The following EIF6 variants were observed in gnomAD, a reference collection of about 807,000 sequenced individuals.
EIF6 encodes the protein eukaryotic translation initiation factor 6, also known as B4 integrin interactor.
Under a neutral mutation model 25.5 loss-of-function variants are expected in EIF6, and 10 were observed. The ratio of observed to expected loss-of-function variants is 0.39; its 90% CI spans 0.24 to 0.66. The LOEUF (loss-of-function observed/expected upper bound fraction) is 0.66, where lower values mean the gene tolerates loss of function less well. Among genes scored for constraint, EIF6 ranks in the 30% least tolerant of loss-of-function variants. EIF6 has a pLI of 0.45. For synonymous variants in EIF6, 122 were observed against 122.6 expected (o/e 1.00, Z 0.03); for missense variants, 246 against 315.4 (o/e 0.78, Z 1.67).
At chr20:35,279,470 G>A in intron 6 of EIF6, 96 bp downstream of exon 6, 17 of 1,520,792 alleles carry the variant, frequency 1.1e-5, no homozygotes, top group Non-Finnish European at 1.5e-5. Flanking sequence ...AGAACAAACT[G>A]GTAGGCTCCC....
At chr20:35,280,466 C>G (rs929616475) in intron 4 of EIF6, among the ~76,000 whole-genome samples, 188 bp downstream of exon 4, 3 of 152,224 alleles carry the variant, frequency 2.0e-5, no homozygotes, top group Non-Finnish European at 4.4e-5. Flanking sequence ...GATTCATACC[C>G]TCCCCAGCTT....
rs2060799420 is a variant in EIF6, at chr20:35,283,929, T to A, written c.193+247A>T. ...TAGGCCAGTAACTCCTACCTTCTAG[T>A]GTCTTTGTGACGAAGGAATGAGAAC... is the stretch of plus-strand genomic sequence containing the variant. On this transcript the variant is annotated intron_variant, in intron 3 of 6. Transcript: ENST00000374450. 2.0e-5 allele frequency among the ~76,000 whole-genome samples: 3 copies of A among 152,250 alleles called. No individual in the cohort carries two copies. In the South Asian group the frequency reaches 6.2e-4, roughly 31 times the overall value.
chr20:35,283,858 T>C (rs2425046), intron 3 of EIF6, among the ~76,000 whole-genome samples: 17,998 of 151,980 alleles, frequency 0.12, 1,134 homozygotes, highest in South Asian at 0.15. Context: ...GGTGTGGAAC[T>C]TACTGAGTCA....
chr20:35,283,539 C>A (rs1238805437), intron 3 of EIF6, among the ~76,000 whole-genome samples: 1 of 152,154 alleles, frequency 6.6e-6, no homozygotes, highest in African/African-American at 2.4e-5. Context: ...GTGGCTCTCG[C>A]CTATAATCCC....
chr20:35,281,575 A>G (rs2060776283), intron 3 of EIF6, among the ~76,000 whole-genome samples: 1 of 151,884 alleles, frequency 6.6e-6, no homozygotes, highest in Non-Finnish European at 1.5e-5. Context: ...CCTCCTGAGT[A>G]GCTGGAATTA....
At position 35,279,675 on chromosome 20, in the gene EIF6, C is replaced by T; in HGVS notation, c.619G>A (p.Gly207Ser). 1.2e-6 allele frequency: 2 copies of T among 1,614,162 alleles called. No individual in the cohort carries two copies. Among genetic ancestry groups the T allele is most frequent in the Non-Finnish European group, 1.7e-6 (2 of 1,180,038 alleles). ...MVVNDWCAFCGLDTTSTELSV... is the reference protein window; with the variant it reads ...MVVNDWCAFCSLDTTSTELSV... ...AGCTCTGTGCTGGTTGTGTCCAGGC[C>T]ACAGAAGGCACACCAGTCATTCACC... is the stretch of plus-strand genomic sequence containing the variant. Residue 207 changes from glycine (G) to serine (S), a missense_variant, in exon 6 of 7, where the codon GGC (glycine) becomes AGC (serine). Coordinates refer to ENST00000374450, the MANE Select transcript of EIF6 (RefSeq NM_002212.4).
At chr20:35,281,911 T>C (rs1184210105) in intron 3 of EIF6, among the ~76,000 whole-genome samples, 1 of 152,134 alleles carries the variant, frequency 6.6e-6, no homozygotes, top group East Asian at 1.9e-4. Context: ...CCTGTGACTC[T>C]GCCATGCCAC....
Position 35,279,113 on chromosome 20 carries a change from G to A in EIF6, c.*84C>T, listed in dbSNP as rs1461633407. On this transcript the variant is annotated 3_prime_UTR_variant, in exon 7 of 7. Coordinates refer to ENST00000374450, the MANE Select transcript of EIF6 (RefSeq NM_002212.4). ...TGAGCTCTCTGCCACCTCCCTGCCAGCATCCGGTACAGATTGGGCGGAATG... is the reference window on the plus strand; with the variant it reads ...TGAGCTCTCTGCCACCTCCCTGCCAACATCCGGTACAGATTGGGCGGAATG... 2.7e-5 allele frequency: 42 copies of A among 1,579,522 alleles called. No individual in the cohort carries two copies. The highest frequency in any genetic ancestry group is 3.3e-5 in the Non-Finnish European group (38 of 1,150,414).
chr20:35,284,562 A>G lies in EIF6; in HGVS notation c.-5-70T>C, dbSNP rs2060809168. On this transcript the variant is annotated intron_variant, in intron 1 of 6. Transcript: ENST00000374450. ...CCAAGTATCCCGGCCTCCGTCCCTC[A>G]GGCCCCGCCGCGACCCCGCCCCTCT... 2.0e-6 allele frequency: 3 copies of G among 1,518,740 alleles called. 1 individual carries two copies. In the South Asian group the frequency reaches 3.8e-5, roughly 19 times the overall value. The allele number at this position is 1,518,740 out of a possible 1,614,324, so 94.1% of individuals were successfully genotyped here. A position where few individuals can be genotyped will look rare whatever the true frequency, so the allele number is the denominator to read the frequency against.
At chr20:35,279,456 T>C (rs1172498936) in intron 6 of EIF6, 110 bp downstream of exon 6, 2 of 1,458,302 alleles carry the variant, frequency 1.4e-6, no homozygotes, top group Non-Finnish European at 1.9e-6. Flanking sequence ...CTCGAGAAGC[T>C]ACCAGAACAA....
chr20:35,284,600 C>T, intron 1 of EIF6, 108 bp from the exon 2 acceptor site: 3 of 1,328,614 alleles, frequency 2.3e-6, no homozygotes, highest in South Asian at 2.7e-5. Flanking sequence ...GCCTCCCGGC[C>T]CCTCCGTCCT....
rs756273702 is a variant in EIF6 at position 35,279,954 on chromosome 20, T to C, written c.534A>G (p.Gln178=). 3 of 1,613,960 alleles carry C rather than the reference T, an allele frequency of 1.9e-6. No homozygotes were observed. The highest frequency in any genetic ancestry group is 4.5e-5 in the East Asian group (2 of 44,874). ...EDQDELSSLL[Q]VPLVAGTVNR... is the part of the protein sequence containing the mutation. ...CAGGAATGCTTACCACAAGGGGGAC[T>C]TGAAGAAGAGAGGACAGCTCATCCT... is the stretch of plus-strand genomic sequence containing the variant. Residue 178 remains glutamine, a synonymous_variant, in exon 5 of 7, where the codon CAA becomes CAG. Coordinates refer to ENST00000374450, the MANE Select transcript of EIF6 (RefSeq NM_002212.4).
intron 2 of EIF6, 42 bp from the exon 3 acceptor site, chr20:35,284,303 G>A (rs764966734): frequency 5.0e-6 from 8 of 1,613,688 alleles, no homozygotes; most frequent in Non-Finnish European, 6.8e-6. Context: ...CAGAGGGGCC[G>A]GCACCCTCCC....
chr20:35,284,105 G>T, intron 3 of EIF6, 71 bp downstream of exon 3: 1 of 1,507,584 alleles, frequency 6.6e-7, no homozygotes, highest in Non-Finnish European at 8.9e-7. Flanking sequence ...GTCACTCCGG[G>T]TTCCCTCCGG....
intron 2 of EIF6, 40 bp downstream of exon 2, chr20:35,284,341 C>T (rs749681288): frequency 6.2e-7 from 1 of 1,613,648 alleles, no homozygotes; most frequent in East Asian, 2.2e-5. Context: ...CTCCTGCGCA[C>T]GCCTCCCCGC....
At position 35,284,753 on chromosome 20, in the gene EIF6, C is replaced by T. The variant is rs562050998; in HGVS notation, c.-33G>A. The T allele has an allele frequency of 9.7e-6, 5 of 513,592 alleles. No homozygotes were observed. Among genetic ancestry groups the T allele is most frequent in the Non-Finnish European group, 1.7e-5 (5 of 287,430 alleles). The allele number at this position is 513,592 out of a possible 1,614,324, so 31.8% of individuals were successfully genotyped here. ...AGTAACCAGTAACAAGCTCCGCACG[C>T]GGCGACTGTACCTTGGACTCCCTAA... On this transcript the variant is annotated 5_prime_UTR_variant, in exon 1 of 7. Transcript: ENST00000374450.
intron 4 of EIF6, among the ~76,000 whole-genome samples, 191 bp from the exon 5 acceptor site, chr20:35,280,309 C>T (rs1432112544): frequency 6.6e-6 from 1 of 152,140 alleles, no homozygotes. Context: ...TGTGAAGCCC[C>T]TAATATTCAT....
chr20:35,284,501 G>A lies in EIF6; in HGVS notation c.-5-9C>T, dbSNP rs758788031. On this transcript the variant is annotated splice_polypyrimidine_tract_variant and intron_variant, in intron 1 of 6. Transcript: ENST00000374450. ...TCGGACCGCCATGAGGCCTAGGGGC[G>A]GCGGAGGCGGGAGTTCAAGGCCGGC... 1.3e-6 allele frequency: 2 copies of A among 1,587,700 alleles called. No individual in the cohort carries two copies. The highest frequency in any genetic ancestry group is 3.4e-5 in the Admixed American group (2 of 58,696).
intron 3 of EIF6, among the ~76,000 whole-genome samples, chr20:35,283,945 G>A (rs994565210): frequency 2.6e-5 from 4 of 152,206 alleles, no homozygotes; most frequent in Admixed American, 2.6e-4. Context: ...TGTGACGAAG[G>A]AATGAGAACA....
Sources: allele counts gnomAD v4.1 joint callset (sites outside exome capture counted in the v4.1 genomes callset), GRCh38; gene constraint gnomAD v4.1.1; transcripts MANE v1.5; gene names NCBI Gene and HGNC (gene_info 2026-07-23, HGNC 2026-07-21).